The following MAST4 variants were observed in gnomAD, a reference collection of about 807,000 sequenced individuals.
The protein encoded by MAST4 is microtubule-associated serine/threonine-protein kinase 4.
MAST4 carries 89 observed loss-of-function variants against 162.7 expected under a neutral mutation model. The ratio of observed to expected loss-of-function variants is 0.55; its 90% CI spans 0.46 to 0.65. MAST4 has a LOEUF of 0.65. MAST4 is among the 30% of genes least tolerant of loss of function. The pLI is 0.00. For synonymous variants in MAST4, 1,479 were observed against 1,361.1 expected (o/e 1.09, Z -1.91); for missense variants, 3,153 against 3,374.0 (o/e 0.93, Z 1.62).
intron 4 of MAST4, among the ~76,000 whole-genome samples, chr5:66,945,513 G>GT (rs1743916943): frequency 6.6e-6 from 1 of 152,042 alleles, no homozygotes; most frequent in Non-Finnish European, 1.5e-5. Context: ...CCCCATGAAG[G>GT]TAACTGAGGT....
At chr5:66,861,847 T>C (rs1472681153) in intron 3 of MAST4, among the ~76,000 whole-genome samples, 6 of 152,152 alleles carry the variant, frequency 3.9e-5, no homozygotes, top group Admixed American at 6.5e-5. Flanking sequence ...CGGTAGAAGA[T>C]GTGATTATTG....
chr5:66,797,157 G>A (rs533144099), intron 3 of MAST4, among the ~76,000 whole-genome samples: 3 of 152,292 alleles, frequency 2.0e-5, no homozygotes, highest in South Asian at 4.1e-4. Flanking sequence ...TTCCTCCTTT[G>A]TTAAAATACC....
chr5:67,150,296 TGACAGCAAGA>T lies in MAST4; in HGVS notation c.3295+710_3295+719del, dbSNP rs1367469490. 5.3e-5 allele frequency among the ~76,000 whole-genome samples: 8 copies of T among 152,354 alleles called. No individual in the cohort carries two copies. The East Asian group carries it at 1.5e-3, about 29-fold the overall frequency. On this transcript the variant is annotated intron_variant, in intron 24 of 28. Transcript: ENST00000403625. ...CCTGATGGTTGTGATATCACTCAAATGACAGCAAGAGAGTAGAATGGGACTCGAATTATAT... is the reference window on the plus strand; with the variant it reads ...CCTGATGGTTGTGATATCACTCAAATGAGTAGAATGGGACTCGAATTATAT...
chr5:67,124,477 A>T (rs948728159), intron 14 of MAST4, among the ~76,000 whole-genome samples: 19 of 152,300 alleles, frequency 1.2e-4, no homozygotes, highest in African/African-American at 4.3e-4. Flanking sequence ...CTTAAAAGAG[A>T]AAAGGTGTAT....
At chr5:66,814,089 A>G (rs1342095264) in intron 3 of MAST4, among the ~76,000 whole-genome samples, 1 of 152,180 alleles carries the variant, frequency 6.6e-6, no homozygotes, top group South Asian at 2.1e-4. Flanking sequence ...TCCAGGGGCC[A>G]CTTCTCAGGA....
At chr5:66,810,345 C>T (rs767749841) in intron 3 of MAST4, among the ~76,000 whole-genome samples, 6 of 152,178 alleles carry the variant, frequency 3.9e-5, no homozygotes, top group East Asian at 1.9e-4. Flanking sequence ...CTCCGTCCCA[C>T]GCGGTCACTC....
intron 2 of MAST4, among the ~76,000 whole-genome samples, chr5:66,768,673 G>T (rs746690789): frequency 6.6e-6 from 1 of 152,126 alleles, no homozygotes; most frequent in Non-Finnish European, 1.5e-5. Flanking sequence ...CTATAAAAGG[G>T]CAACATGAGG....
chr5:66,788,606 C>CCCCCCCAACAAAA, intron 2 of MAST4, 64 bp from the exon 3 acceptor site: 1 of 1,356,384 alleles, frequency 7.4e-7, no homozygotes, highest in Non-Finnish European at 1.0e-6. Flanking sequence ...ACCCCCACCC[C>CCCCCCCAACAAAA]CATTGCAATA....
chr5:66,954,219 T>C (rs1195691069), intron 4 of MAST4, among the ~76,000 whole-genome samples: 2 of 152,164 alleles, frequency 1.3e-5, no homozygotes, highest in African/African-American at 4.8e-5. Flanking sequence ...TGCACACACA[T>C]GTATACAGCT....
intron 2 of MAST4, among the ~76,000 whole-genome samples, chr5:66,783,990 G>A (rs549156268): frequency 2.6e-4 from 40 of 152,176 alleles, no homozygotes; most frequent in African/African-American, 9.4e-4. Flanking sequence ...GGCCTTACCT[G>A]GGAGTTATGC....
At chr5:66,865,944 G>A (rs376306255) in intron 3 of MAST4, among the ~76,000 whole-genome samples, 8 of 152,022 alleles carry the variant, frequency 5.3e-5, no homozygotes, top group African/African-American at 1.9e-4. Context: ...GCGTGGTGGT[G>A]CATGCCTGTA....
At chr5:66,878,555 C>T (rs1207072038) in intron 3 of MAST4, among the ~76,000 whole-genome samples, 1 of 152,220 alleles carries the variant, frequency 6.6e-6, no homozygotes, top group African/African-American at 2.4e-5. Flanking sequence ...TAGTCCTTGC[C>T]ACCAACATCT....
In MAST4 at chr5:67,093,648, T is replaced by A. The variant is rs769998184; in HGVS notation, c.834-1949T>A. On this transcript the variant is annotated intron_variant, in intron 6 of 28. Transcript: ENST00000403625. ...TTTTCTGGAGCAAGCAAATGTAATT[T>A]ATGCTTCAGAACTAATAAGAACATG... 4 of 464,954 alleles carry A rather than the reference T, an allele frequency of 8.6e-6. No individual in the cohort carries two copies. In the East Asian group the frequency reaches 2.5e-4, roughly 29 times the overall value. 28.8% of individuals were successfully genotyped at this position (464,954 alleles called of 1,614,324 possible).
intron 3 of MAST4, among the ~76,000 whole-genome samples, chr5:66,830,642 C>T (rs1285503680): frequency 6.6e-6 from 1 of 152,174 alleles, no homozygotes; most frequent in Non-Finnish European, 1.5e-5. Context: ...TACAACTTTA[C>T]TGTGGCTTAA....
chr5:66,602,862 A>G (rs551639756), intron 1 of MAST4, among the ~76,000 whole-genome samples: 1 of 152,154 alleles, frequency 6.6e-6, no homozygotes, highest in Non-Finnish European at 1.5e-5. Flanking sequence ...GACTTTGGCT[A>G]GGTTCTTATT....
At position 66,609,702 on chromosome 5, in the gene MAST4, T is replaced by G. The variant is rs552898590; in HGVS notation, c.363+12684T>G. 5.2e-3 allele frequency among the ~76,000 whole-genome samples: 553 copies of G among 107,062 alleles called. 1 individual carries two copies. Among genetic ancestry groups the G allele is most frequent in the African/African-American group, 6.5e-3 (110 of 16,818 alleles). The allele number at this position is 107,062 out of a possible 152,430, so 70.2% of individuals were successfully genotyped here. On this transcript the variant is annotated intron_variant, in intron 1 of 28. Coordinates refer to ENST00000403625, the MANE Select transcript of MAST4 (RefSeq NM_001164664.2). ...ATGCCCAGCCTGGTGTTTTTTTTTT[T>G]TTGTTTTTTTTTTTTTGTTTTGTTT...
chr5:67,061,172 G>A (rs1044000936), intron 5 of MAST4, among the ~76,000 whole-genome samples: 21 of 152,062 alleles, frequency 1.4e-4, no homozygotes, highest in African/African-American at 5.1e-4. Flanking sequence ...GTGTGTGTGT[G>A]TGTCCATCTG....
At chr5:66,959,196 G>A in intron 4 of MAST4, 1 of 779,322 alleles carries the variant, frequency 1.3e-6, no homozygotes, top group African/African-American at 1.7e-5. Context: ...CCGGGACGCT[G>A]GCAGGGAGTG....
chr5:66,772,427 A>T (rs1444947923), intron 2 of MAST4, among the ~76,000 whole-genome samples: 1 of 152,206 alleles, frequency 6.6e-6, no homozygotes, highest in Non-Finnish European at 1.5e-5. Context: ...TCCAAAGTAT[A>T]AAAGGCCAGT....
Sources: allele counts gnomAD v4.1 joint callset (sites outside exome capture counted in the v4.1 genomes callset), GRCh38; gene constraint gnomAD v4.1.1; transcripts MANE v1.5; gene names NCBI Gene and HGNC (gene_info 2026-07-23, HGNC 2026-07-21).